The following SCN10A variants were observed in gnomAD, a reference collection of about 807,000 sequenced individuals.
SCN10A encodes the protein sodium voltage-gated channel alpha subunit 10.
In SCN10A, 162 loss-of-function variants were observed where a neutral mutation model predicts 170.7. The ratio of observed to expected loss-of-function variants is 0.95; its 90% CI spans 0.84 to 1.08. The LOEUF is 1.08. Among genes scored for constraint, SCN10A ranks in the 50% least tolerant of loss-of-function variants. SCN10A has a pLI of 0.00. For missense variants in SCN10A, 2,527 were observed against 2,436.9 expected (o/e 1.04, Z -0.78); for synonymous variants, 985 against 904.6 (o/e 1.09, Z -1.59).
chr3:38,727,600 G>T (rs1291577130), intron 16 of SCN10A, among the ~76,000 whole-genome samples: 1 of 152,206 alleles, frequency 6.6e-6, no homozygotes, highest in Non-Finnish European at 1.5e-5. Flanking sequence ...GCAGGCAGAG[G>T]CATCCCTGGC....
At position 38,702,077 on chromosome 3, in the gene SCN10A, C is replaced by A; in HGVS notation, c.4419G>T (p.Val1473=). The part of the protein sequence containing the change: ...NKFQGFVFDI[V]TRQAFDITIM... ...TGGTGATGTCAAAAGCTTGTCTGGT[C>A]ACGATGTCAAAGACAAAACCCTGGA... The change falls in exon 27 of 28, where the codon GTG becomes GTT. Residue 1473 remains valine (V), a synonymous_variant. Coordinates refer to ENST00000449082, the MANE Select transcript of SCN10A (RefSeq NM_006514.4). The A allele has an allele frequency of 6.3e-7, 1 of 1,575,166 alleles. No homozygotes were observed. The highest frequency in any genetic ancestry group is 1.2e-5 in the South Asian group (1 of 83,768).
At chr3:38,722,721 G>C (rs148912801) in intron 19 of SCN10A, among the ~76,000 whole-genome samples, 32 of 152,258 alleles carry the variant, frequency 2.1e-4, no homozygotes, top group Non-Finnish European at 4.1e-4. Context: ...AAGCTACGGC[G>C]TATGAGCCTG....
intron 18 of SCN10A, among the ~76,000 whole-genome samples, chr3:38,723,936 G>T (rs565940670): frequency 3.9e-5 from 6 of 152,316 alleles, no homozygotes; most frequent in African/African-American, 1.4e-4. Context: ...TGATAGCTTT[G>T]CTAATGGACC....
chr3:38,743,746 C>T (rs932577158), intron 13 of SCN10A, among the ~76,000 whole-genome samples: 23 of 152,102 alleles, frequency 1.5e-4, no homozygotes, highest in African/African-American at 5.6e-4. Context: ...TCCTTTCCTG[C>T]TTGTAAATGT....
At position 38,722,407 on chromosome 3, in the gene SCN10A, T is replaced by G; in HGVS notation, c.3358A>C (p.Ile1120Leu). 1 of 1,613,472 alleles carries G rather than the reference T, an allele frequency of 6.2e-7. No homozygotes were observed. Among genetic ancestry groups the G allele is most frequent in the Non-Finnish European group, 8.5e-7 (1 of 1,179,706 alleles). Residue 1120 changes from isoleucine (I) to leucine (L), a missense_variant, in exon 20 of 28, where the codon ATT (isoleucine) becomes CTT (leucine). Coordinates refer to ENST00000449082, the MANE Select transcript of SCN10A (RefSeq NM_006514.4). ...EPDDCFTEGC[I>L]RHCPCCKLDT... ...AGTTTGCAGCAGGGACAGTGGCGAA[T>G]GCATCCTGTGGGGAGAGGTGACTGA...
chr3:38,798,784 TCC>T (rs1491123906), intron 1 of SCN10A, among the ~76,000 whole-genome samples: 1 of 86,408 alleles, frequency 1.2e-5, no homozygotes. Flanking sequence ...TCCCCTTGCC[TCC>T]TTTTTTTTTT....
intron 11 of SCN10A, among the ~76,000 whole-genome samples, chr3:38,755,399 C>T (rs748634639): frequency 2.6e-5 from 4 of 152,030 alleles, no homozygotes; most frequent in Non-Finnish European, 4.4e-5. Flanking sequence ...TCCGCAGACA[C>T]CTTAAGATTG....
chr3:38,793,150 G>A (rs1299120484), intron 2 of SCN10A, among the ~76,000 whole-genome samples: 1 of 151,894 alleles, frequency 6.6e-6, no homozygotes, highest in African/African-American at 2.4e-5. Flanking sequence ...GAATATACAG[G>A]CACACATTCC....
chr3:38,759,531 A>G (rs1322473600), intron 8 of SCN10A, among the ~76,000 whole-genome samples: 1 of 152,148 alleles, frequency 6.6e-6, no homozygotes, highest in Admixed American at 6.6e-5. Flanking sequence ...TGAAGCCTCT[A>G]GTAAAGAACT....
Position 38,726,844 on chromosome 3 carries a change from T to G in SCN10A, c.2849A>C (p.Lys950Thr), listed in dbSNP as rs1323365889. 6.2e-7 allele frequency: 1 copy of G among 1,613,874 alleles called. No homozygotes were observed. Among genetic ancestry groups the G allele is most frequent in the South Asian group, 1.1e-5 (1 of 91,058 alleles). The change falls in exon 17 of 28, where the codon AAA (lysine) becomes ACA (threonine). Residue 950 changes from lysine (K) to threonine (T), a missense_variant. Coordinates refer to ENST00000449082, the MANE Select transcript of SCN10A (RefSeq NM_006514.4). ...AGCCTTGGAGCTGGAGAGTGGGAGT[T>G]TCACCACCAGCTCAGGCTCTGCCTT... is the stretch of plus-strand genomic sequence containing the variant. The part of the protein sequence containing the change: ...QPKAEPELVV[K>T]LPLSSSKAEN...
chr3:38,719,542 C>T (rs1005685056), intron 20 of SCN10A, among the ~76,000 whole-genome samples: 20 of 151,182 alleles, frequency 1.3e-4, no homozygotes, highest in Non-Finnish European at 2.7e-4. Context: ...TACAGGCGCC[C>T]GCCACTACGC....
At position 38,725,330 on chromosome 3, in the gene SCN10A, C is replaced by T; in HGVS notation, c.3088-16G>A. 6.4e-7 allele frequency: 1 copy of T among 1,560,042 alleles called. No individual in the cohort carries two copies. The highest frequency in any genetic ancestry group is 8.8e-7 in the Non-Finnish European group (1 of 1,140,440). On this transcript the variant is annotated splice_polypyrimidine_tract_variant and intron_variant, in intron 17 of 27. Transcript: ENST00000449082. ...GCTGCTCCTGCTAGTGAGAGAGGGT[C>T]CCAACTGGGTGCCTGGCCCCACCCT...
At chr3:38,702,459 C>T (rs369959721) in intron 26 of SCN10A, among the ~76,000 whole-genome samples, 9 of 152,352 alleles carry the variant, frequency 5.9e-5, no homozygotes, top group African/African-American at 1.2e-4. Context: ...TGGAGTGTCC[C>T]TTAGTCACGT....
At chr3:38,813,032 C>CAAAT (rs569447854) in intron 1 of SCN10A, among the ~76,000 whole-genome samples, 138 of 152,114 alleles carry the variant, frequency 9.1e-4, no homozygotes, top group East Asian at 6.8e-3. Context: ...GACCCTGTCT[C>CAAAT]AAATAAATAA....
rs184733410 is a variant in SCN10A, at chr3:38,784,416, C to T, written c.470+4540G>A. On this transcript the variant is annotated intron_variant, in intron 4 of 27. Coordinates refer to ENST00000449082, the MANE Select transcript of SCN10A (RefSeq NM_006514.4). ...TCTCAATAGATGCAGAAAAGGTCTTCGACAAAATTCAACACCCATTCATGC... is the reference window on the plus strand; with the variant it reads ...TCTCAATAGATGCAGAAAAGGTCTTTGACAAAATTCAACACCCATTCATGC... Among the ~76,000 whole-genome samples the T allele has an allele frequency of 6.6e-5, 10 of 152,094 alleles. No individual in the cohort carries two copies. In the East Asian group the frequency reaches 9.7e-4, roughly 15 times the overall value.
In SCN10A at chr3:38,741,640, C is replaced by G. The variant is rs181278078; in HGVS notation, c.2106+651G>C. Among the ~76,000 whole-genome samples, 451 of 152,194 alleles carry G rather than the reference C, an allele frequency of 3.0e-3. 3 individuals are homozygous for G. The highest frequency in any genetic ancestry group is 0.011 in the African/African-American group (438 of 41,516). ...TACTTTATCCAGTATATAGTGAAATCCAGTATGGATTGTATCTTGTTAAGA... is the reference window on the plus strand; with the variant it reads ...TACTTTATCCAGTATATAGTGAAATGCAGTATGGATTGTATCTTGTTAAGA... On this transcript the variant is annotated intron_variant, in intron 14 of 27. Coordinates refer to ENST00000449082, the MANE Select transcript of SCN10A (RefSeq NM_006514.4).
At chr3:38,739,824 G>T in intron 14 of SCN10A, 136 bp from the exon 15 acceptor site, 1 of 705,572 alleles carries the variant, frequency 1.4e-6, no homozygotes, top group Non-Finnish European at 2.4e-6. Context: ...TTATCTGTGG[G>T]CTCCTGAGGA....
At chr3:38,758,439 C>T (rs919401630) in intron 8 of SCN10A, among the ~76,000 whole-genome samples, 11 of 152,330 alleles carry the variant, frequency 7.2e-5, no homozygotes, top group Admixed American at 1.3e-4. Context: ...GTGTCTTGCA[C>T]TTCTGCATAG....
chr3:38,782,772 A>G (rs2064154120), intron 4 of SCN10A, among the ~76,000 whole-genome samples: 2 of 152,108 alleles, frequency 1.3e-5, no homozygotes, highest in Admixed American at 6.6e-5. Flanking sequence ...TGCAATGGTC[A>G]TTTATTTTAA....
Sources: gnomAD v4.1 joint callset for allele counts (sites outside exome capture counted in the v4.1 genomes callset) on GRCh38, gnomAD v4.1.1 for gene constraint, MANE v1.5 for transcripts, NCBI Gene and HGNC (gene_info 2026-07-23, HGNC 2026-07-21) for gene names.